MYMX: variants seen among roughly 807,000 people sequenced by gnomAD.
MYMX encodes myomixer, myoblast fusion factor, also known as protein myomixer.
chr6:44,203,547 G>A, the MYMX span, among the ~76,000 whole-genome samples: 4 of 152,154 alleles, frequency 2.6e-5, no homozygotes, highest in African/African-American at 9.7e-5. Flanking sequence ...TTGGCCTTAG[G>A]GTGAGGACTT....
At chr6:44,212,961 G>A (rs1235417746), upstream of MYMX, among the ~76,000 whole-genome samples, 5 of 151,984 alleles carry the variant, frequency 3.3e-5, no homozygotes, top group South Asian at 2.1e-4. Flanking sequence ...CCAGAAGGTC[G>A]AGGCTGCAGT....
In MYMX at chr6:44,218,009, C is replaced by A. The variant is rs1338646755; in HGVS notation, c.*283C>A. The A allele has an allele frequency of 3.3e-6, 1 of 304,234 alleles. No individual in the cohort carries two copies. The highest frequency in any genetic ancestry group is 5.2e-5 in the East Asian group (1 of 19,068). 18.8% of individuals were successfully genotyped at this position (304,234 alleles called of 1,614,324 possible). On this transcript the variant is annotated 3_prime_UTR_variant, in exon 2 of 2. Coordinates refer to ENST00000573382, the MANE Select transcript of MYMX (RefSeq NM_001315494.2). ...CCTCTGGCCTCAGGCGGGAGGGGAA[C>A]TAACACCCACCCACCCCTGCCCTCC... is the stretch of plus-strand genomic sequence containing the variant.
chr6:44,205,104 G>A, the MYMX span, among the ~76,000 whole-genome samples: 1 of 152,050 alleles, frequency 6.6e-6, no homozygotes, highest in Non-Finnish European at 1.5e-5. Flanking sequence ...ACATAACTGG[G>A]GGCTTTTATG....
At chr6:44,210,527 A>C in the MYMX span, among the ~76,000 whole-genome samples, 1 of 152,042 alleles carries the variant, frequency 6.6e-6, no homozygotes, top group Non-Finnish European at 1.5e-5. Context: ...GCCTCAAGCG[A>C]TCTTCCTACC....
the MYMX span, among the ~76,000 whole-genome samples, chr6:44,210,714 A>C: frequency 6.6e-6 from 1 of 152,232 alleles, no homozygotes; most frequent in African/African-American, 2.4e-5. Context: ...ATCATTTCCC[A>C]ACAAGATAAA....
chr6:44,202,816 C>T, the MYMX span, among the ~76,000 whole-genome samples: 2 of 152,098 alleles, frequency 1.3e-5, no homozygotes, highest in Non-Finnish European at 2.9e-5. Context: ...CTGCCCCTCC[C>T]CCACCTCCCT....
upstream of MYMX, among the ~76,000 whole-genome samples, chr6:44,213,156 T>C (rs184929906): frequency 9.1e-4 from 139 of 151,994 alleles, no homozygotes; most frequent in Non-Finnish European, 1.6e-3. Flanking sequence ...GAGGTGGAGG[T>C]GGGTGGATCA....
At chr6:44,206,442 G>C in the MYMX span, among the ~76,000 whole-genome samples, 2 of 152,102 alleles carry the variant, frequency 1.3e-5, no homozygotes, top group African/African-American at 4.8e-5. Context: ...GTGTTGGCCA[G>C]GCTGGTCTAA....
chr6:44,211,788 T>TGTGTGTGTG, the MYMX span, among the ~76,000 whole-genome samples: 1 of 126,382 alleles, frequency 7.9e-6, no homozygotes, highest in Non-Finnish European at 1.6e-5. Flanking sequence ...CAGCTAGGTT[T>TGTGTGTGTG]TGTGTGTGTG....
the MYMX span, among the ~76,000 whole-genome samples, chr6:44,204,571 T>G: frequency 6.6e-6 from 1 of 152,216 alleles, no homozygotes; most frequent in Non-Finnish European, 1.5e-5. Context: ...GAAATCTACA[T>G]TTAACAAGGA....
the MYMX span, among the ~76,000 whole-genome samples, chr6:44,196,000 T>G: frequency 6.6e-6 from 1 of 152,160 alleles, no homozygotes; most frequent in African/African-American, 2.4e-5. Context: ...GGGAGTGCAG[T>G]GGCATGATCT....
At chr6:44,206,424 G>A in the MYMX span, among the ~76,000 whole-genome samples, 1 of 151,966 alleles carries the variant, frequency 6.6e-6, no homozygotes, top group East Asian at 1.9e-4. Context: ...TAGAGACGGG[G>A]TTTTGCTGTG....
chr6:44,208,346 A>C, the MYMX span, among the ~76,000 whole-genome samples: 1 of 152,232 alleles, frequency 6.6e-6, no homozygotes, highest in African/African-American at 2.4e-5. Context: ...GAAAAGAGGT[A>C]TAAAGGCTAA....
the MYMX span, among the ~76,000 whole-genome samples, chr6:44,201,695 G>A: frequency 2.0e-5 from 3 of 152,216 alleles, no homozygotes; most frequent in East Asian, 1.9e-4. Context: ...TGACATAAGG[G>A]TGGAAGGAAG....
chr6:44,212,069 C>A (rs1775617187), upstream of MYMX, among the ~76,000 whole-genome samples: 1 of 151,958 alleles, frequency 6.6e-6, no homozygotes, highest in Admixed American at 6.6e-5. Flanking sequence ...TAGCACTATG[C>A]CTGGCTAAAA....
chr6:44,210,935 A>C, the MYMX span, among the ~76,000 whole-genome samples: 1 of 152,148 alleles, frequency 6.6e-6, no homozygotes, highest in African/African-American at 2.4e-5. Context: ...TTGAGGCTCC[A>C]GTAAGCTATA....
the MYMX span, among the ~76,000 whole-genome samples, chr6:44,198,401 G>A: frequency 2.0e-5 from 3 of 151,932 alleles, no homozygotes; most frequent in East Asian, 3.9e-4. Context: ...TCCTGACCTC[G>A]TGATCTACCC....
At chr6:44,197,184 C>T in the MYMX span, among the ~76,000 whole-genome samples, 94 of 152,014 alleles carry the variant, frequency 6.2e-4, no homozygotes, top group African/African-American at 1.9e-3. Context: ...TGCAGTGAGC[C>T]GAGATCGAGT....
At chr6:44,203,014 T>A in the MYMX span, among the ~76,000 whole-genome samples, 1 of 152,218 alleles carries the variant, frequency 6.6e-6, no homozygotes, top group African/African-American at 2.4e-5. Context: ...CTATGGAAAC[T>A]GAGGCTGGGA....
Sources: allele counts gnomAD v4.1 joint callset (sites outside exome capture counted in the v4.1 genomes callset), GRCh38; gene constraint gnomAD v4.1.1; transcripts MANE v1.5; gene names NCBI Gene and HGNC (gene_info 2026-07-23, HGNC 2026-07-21).